Variants in MTMR1 observed in about 807,000 individuals in gnomAD.
MTMR1 encodes the protein myotubularin related protein 1.
MTMR1 carries 17 observed loss-of-function variants against 51.6 expected under a neutral mutation model. That is an observed-to-expected ratio of 0.33 (90% CI 0.23 to 0.49). MTMR1 has a LOEUF of 0.49. MTMR1 is among the 20% of genes least tolerant of loss of function. MTMR1 has a pLI of 0.99. For synonymous variants in MTMR1, 201 were observed against 205.6 expected (o/e 0.98, Z 0.19); for missense variants, 386 against 526.9 (o/e 0.73, Z 2.62).
intron 2 of MTMR1, among the ~76,000 whole-genome samples, chrX:150,710,228 GAGCC>G (rs1349614018): frequency 8.9e-6 from 1 of 112,100 alleles, no homozygotes; most frequent in Non-Finnish European, 1.9e-5. Context: ...CACAAATCCA[GAGCC>G]GGACTTCCAG....
intron 4 of MTMR1, among the ~76,000 whole-genome samples, chrX:150,720,857 T>C (rs2041723391): frequency 9.0e-6 from 1 of 111,638 alleles, no homozygotes; most frequent in South Asian, 3.7e-4. Flanking sequence ...GAAGTGAGAG[T>C]GGACATTCTT....
chrX:150,703,888 T>A (rs1361577509), intron 2 of MTMR1, among the ~76,000 whole-genome samples: 3 of 111,231 alleles, frequency 2.7e-5, no homozygotes, highest in Non-Finnish European at 5.7e-5. Context: ...TAAATTTTTT[T>A]AAAAACCATA....
chrX:150,693,858 G>GA (rs782232773), intron 1 of MTMR1, among the ~76,000 whole-genome samples, 182 bp downstream of exon 1: 99 of 109,761 alleles, frequency 9.0e-4, no homozygotes, highest in Admixed American at 1.3e-3. Context: ...GCCCCATCCG[G>GA]GGACTGCTGC....
rs782253795 is a variant in MTMR1, at chrX:150,756,902, C to T, written c.1857+1037C>T. Reference sequence around the variant, plus strand: ...CTGACCTCAAGTGATCCGCCCGCCTCGGCCTCCCAAAGTGCTGGGATTATG... The same window carrying T: ...CTGACCTCAAGTGATCCGCCCGCCTTGGCCTCCCAAAGTGCTGGGATTATG... On this transcript the variant is annotated intron_variant, in intron 15 of 15. Transcript: ENST00000445323. Among the ~76,000 whole-genome samples the T allele has an allele frequency of 6.2e-5, 7 of 112,110 alleles. No homozygotes were observed. The South Asian group carries it at 1.1e-3, about 18-fold the overall frequency.
chrX:150,701,678 A>G (rs908303461), intron 2 of MTMR1, among the ~76,000 whole-genome samples: 2 of 111,674 alleles, frequency 1.8e-5, no homozygotes, highest in Non-Finnish European at 3.8e-5. Context: ...CATGTCATCC[A>G]TTTAAGCCTT....
At chrX:150,705,828 A>G (rs1233098712) in intron 2 of MTMR1, among the ~76,000 whole-genome samples, 1 of 112,156 alleles carries the variant, frequency 8.9e-6, no homozygotes, top group South Asian at 3.7e-4. Flanking sequence ...GTGAGGTCAC[A>G]GGATACAAGA....
rs2042277532 is a variant in MTMR1 at position 150,736,650 on chromosome X, T to C, written c.1136T>C (p.Phe379Ser). The C allele has an allele frequency of 1.7e-6, 2 of 1,211,752 alleles. No homozygotes were observed. Among genetic ancestry groups the C allele is most frequent in the Non-Finnish European group, 2.2e-6 (2 of 895,347 alleles). The change falls in exon 11 of 16, where the codon TTC becomes TCC. Residue 379 changes from phenylalanine (F) to serine (S), a missense_variant. Coordinates refer to ENST00000445323, the MANE Select transcript of MTMR1 (RefSeq NM_001306144.3). ...GCTTACCCAAATGCAGAACTTGTGT[T>C]CTTGGAGATCCACAACATTCATGTC... ...ESAYPNAELVFLEIHNIHVMR... is the reference protein window; with the variant it reads ...ESAYPNAELVSLEIHNIHVMR...
chrX:150,740,303 C>T (rs969700005), intron 12 of MTMR1, among the ~76,000 whole-genome samples: 2 of 111,685 alleles, frequency 1.8e-5, no homozygotes, highest in Admixed American at 9.5e-5. Flanking sequence ...GTCGTGTCAC[C>T]GTCATCACTT....
At chrX:150,712,437 T>A in intron 3 of MTMR1, 72 bp downstream of exon 3, 1 of 972,651 alleles carries the variant, frequency 1.0e-6, no homozygotes, top group Non-Finnish European at 1.4e-6. Flanking sequence ...ACACTTAGTC[T>A]ATTTAGTGTT....
intron 13 of MTMR1, among the ~76,000 whole-genome samples, chrX:150,750,516 G>A (rs925764292): frequency 1.8e-5 from 2 of 112,172 alleles, no homozygotes; most frequent in African/African-American, 6.5e-5. Context: ...TCTGGGCATT[G>A]AGTACAACAA....
intron 3 of MTMR1, among the ~76,000 whole-genome samples, chrX:150,715,159 C>T (rs1335611275): frequency 2.7e-5 from 3 of 111,941 alleles, no homozygotes; most frequent in East Asian, 5.6e-4. Flanking sequence ...CCCCACTCTC[C>T]TTTGGTGACC....
rs782592970 is a variant in MTMR1, at chrX:150,730,557, T to C, written c.690T>C (p.Phe230=). 1 of 1,177,431 alleles carries C rather than the reference T, an allele frequency of 8.5e-7. No individual in the cohort carries two copies. Among genetic ancestry groups the C allele is most frequent in the East Asian group, 3.0e-5 (1 of 33,115 alleles). Residue 230 remains phenylalanine, a synonymous_variant, in exon 8 of 16, where the codon TTT becomes TTC. Transcript: ENST00000445323. ...ALFAFSYKEK[F]PINGWKVYDP... The stretch of plus-strand genomic sequence containing the variant: ...TTGCATTCAGCTATAAAGAAAAATT[T>C]CCAATTAATGGCTGGAAAGTTTATG...
At chrX:150,761,379 G>A (rs184409883) in intron 15 of MTMR1, among the ~76,000 whole-genome samples, 141 of 112,111 alleles carry the variant, frequency 1.3e-3, no homozygotes, top group Non-Finnish European at 1.7e-3. Context: ...TTGCGGTCTC[G>A]CTCTCATCCT....
chrX:150,757,350 C>G (rs1203967533), intron 15 of MTMR1, among the ~76,000 whole-genome samples: 2 of 112,895 alleles, frequency 1.8e-5, no homozygotes, highest in African/African-American at 3.2e-5. Context: ...CCCTCTACCA[C>G]AGACCAGGCT....
chrX:150,716,541 A>G (rs1338989956), intron 3 of MTMR1, among the ~76,000 whole-genome samples: 1 of 112,843 alleles, frequency 8.9e-6, no homozygotes, highest in African/African-American at 3.2e-5. Flanking sequence ...TCTGGGCTAA[A>G]AATTTGAATT....
intron 14 of MTMR1, 97 bp downstream of exon 14, chrX:150,750,940 C>A: frequency 9.8e-7 from 1 of 1,017,998 alleles, no homozygotes; most frequent in Non-Finnish European, 1.4e-6. Context: ...GGGAGGACTG[C>A]GCTCTGGTGC....
intron 2 of MTMR1, among the ~76,000 whole-genome samples, chrX:150,712,101 A>G (rs1030929458): frequency 5.4e-5 from 6 of 112,067 alleles, no homozygotes; most frequent in Non-Finnish European, 9.4e-5. Context: ...AGTTAGTCTT[A>G]GCCTAAGGGC....
In MTMR1 at chrX:150,693,554, G is replaced by T; in HGVS notation, c.24G>T (p.Ala8=). Residue 8 remains alanine, a synonymous_variant, in exon 1 of 16, where the codon GCG becomes GCT. Transcript: ENST00000445323. ...CCATGGACAGGCCGGCGGCGGCGGC[G>T]GCGGCGGGCTGCGAGGGCGGCGGGG... is the stretch of plus-strand genomic sequence containing the variant. MDRPAAA[A]AAGCEGGGGP... 2.6e-6 allele frequency: 2 copies of T among 760,763 alleles called. No homozygotes were observed. The highest frequency in any genetic ancestry group is 3.1e-6 in the Non-Finnish European group (2 of 644,291). The allele number at this position is 760,763 out of a possible 1,213,427, so 62.7% of individuals were successfully genotyped here.
rs1014786258 is a variant in MTMR1, at chrX:150,764,231, T to G, written c.*1502T>G. ...TGAAAATATGTTAAGGGTTTTTTCG[T>G]AGAGAGAGAAAGAATGGATTTTTTT... On this transcript the variant is annotated 3_prime_UTR_variant, in exon 16 of 16. Transcript: ENST00000445323. 9.0e-6 allele frequency: 1 copy of G among 110,920 alleles called. No individual in the cohort carries two copies. The highest frequency in any genetic ancestry group is 2.8e-4 in the East Asian group (1 of 3,610). 9.1% of individuals were successfully genotyped at this position (110,920 alleles called of 1,213,427 possible).
Sources: allele counts gnomAD v4.1 joint callset (sites outside exome capture counted in the v4.1 genomes callset), GRCh38; gene constraint gnomAD v4.1.1; transcripts MANE v1.5; gene names NCBI Gene and HGNC (gene_info 2026-07-23, HGNC 2026-07-21).